The following ITFG1 variants were observed in gnomAD, a reference collection of about 807,000 sequenced individuals.
The protein encoded by ITFG1 is T-cell immunomodulatory protein.
In ITFG1, 34 loss-of-function variants were observed where a neutral mutation model predicts 81.8. That is an observed-to-expected ratio of 0.42 (90% CI 0.32 to 0.55). ITFG1 has a LOEUF of 0.55. Ranked by LOEUF, ITFG1 falls within the 20% of genes least tolerant of loss-of-function variation. ITFG1 has a pLI of 0.17. For missense variants in ITFG1, 672 were observed against 755.4 expected (o/e 0.89, Z 1.29); for synonymous variants, 285 against 270.6 (o/e 1.05, Z -0.52).
intron 6 of ITFG1, among the ~76,000 whole-genome samples, chr16:47,390,579 C>T (rs1481605551): frequency 3.3e-5 from 5 of 152,142 alleles, no homozygotes; most frequent in Non-Finnish European, 7.3e-5. Context: ...TTGCCTCAGC[C>T]TCCCAAGTAG....
At chr16:47,431,316 C>T (rs796525891) in intron 5 of ITFG1, among the ~76,000 whole-genome samples, 2 of 152,296 alleles carry the variant, frequency 1.3e-5, no homozygotes, top group African/African-American at 4.8e-5. Flanking sequence ...TGAGCTCCGT[C>T]GCCTGTCAGA....
intron 10 of ITFG1, among the ~76,000 whole-genome samples, chr16:47,284,917 T>A (rs1473319788): frequency 6.6e-6 from 1 of 152,220 alleles, no homozygotes; most frequent in African/African-American, 2.4e-5. Context: ...TCTGAAGGAA[T>A]GAAAACATTT....
intron 7 of ITFG1, among the ~76,000 whole-genome samples, chr16:47,370,302 T>C (rs1167157702): frequency 6.6e-6 from 1 of 152,184 alleles, no homozygotes; most frequent in Non-Finnish European, 1.5e-5. Flanking sequence ...ACTTCCTTGA[T>C]GCCTCTTAGA....
At chr16:47,198,840 A>G (rs2151519905) in intron 14 of ITFG1, among the ~76,000 whole-genome samples, 1 of 152,350 alleles carries the variant, frequency 6.6e-6, no homozygotes, top group South Asian at 2.1e-4. Context: ...AAATTTTTGT[A>G]CACCTGAACA....
chr16:47,253,619 G>C (rs1020126946), intron 12 of ITFG1, among the ~76,000 whole-genome samples: 2 of 152,160 alleles, frequency 1.3e-5, no homozygotes, highest in African/African-American at 4.8e-5. Context: ...ATGGTTTCAG[G>C]ATTGTTCCAC....
At chr16:47,377,702 T>TA (rs1968344893) in intron 6 of ITFG1, among the ~76,000 whole-genome samples, 1 of 152,192 alleles carries the variant, frequency 6.6e-6, no homozygotes. Context: ...CCTCCGCTGT[T>TA]ATTCTCCTTT....
At chr16:47,193,310 C>T (rs1250019735) in intron 14 of ITFG1, among the ~76,000 whole-genome samples, 2 of 151,060 alleles carry the variant, frequency 1.3e-5, no homozygotes, top group African/African-American at 4.9e-5. Flanking sequence ...CTATCCTTTA[C>T]ATTTAAGTAT....
At chr16:47,284,297 A>G (rs1437248726) in intron 10 of ITFG1, among the ~76,000 whole-genome samples, 1 of 152,248 alleles carries the variant, frequency 6.6e-6, no homozygotes, top group Non-Finnish European at 1.5e-5. Flanking sequence ...AATGAAGCAG[A>G]ATAAAAGTAC....
At chr16:47,402,238 TA>T (rs1193245240) in intron 6 of ITFG1, among the ~76,000 whole-genome samples, 1 of 152,208 alleles carries the variant, frequency 6.6e-6, no homozygotes, top group African/African-American at 2.4e-5. Context: ...TATCAACATC[TA>T]AAAATTCACT....
chr16:47,384,074 T>C (rs904129149), intron 6 of ITFG1, among the ~76,000 whole-genome samples: 1 of 152,244 alleles, frequency 6.6e-6, no homozygotes, highest in Admixed American at 6.5e-5. Context: ...AAAAAACTCT[T>C]AATTTTATTC....
chr16:47,272,717 C>T (rs1171646626), intron 10 of ITFG1, among the ~76,000 whole-genome samples: 1 of 151,624 alleles, frequency 6.6e-6, no homozygotes, highest in East Asian at 1.9e-4. Context: ...TTAAAAGCCA[C>T]TAAATTGTAT....
chr16:47,282,039 T>C (rs960813865), intron 10 of ITFG1, among the ~76,000 whole-genome samples: 1 of 151,934 alleles, frequency 6.6e-6, no homozygotes, highest in Admixed American at 6.6e-5. Context: ...TTTGTATACA[T>C]AGTTAATAGT....
intron 14 of ITFG1, among the ~76,000 whole-genome samples, chr16:47,175,742 T>C (rs1177019138): frequency 6.6e-6 from 1 of 152,198 alleles, no homozygotes; most frequent in Admixed American, 6.5e-5. Flanking sequence ...CCATGGCATG[T>C]TTTGACTTTT....
chr16:47,244,784 C>T (rs1965979976), intron 12 of ITFG1, among the ~76,000 whole-genome samples: 1 of 151,904 alleles, frequency 6.6e-6, no homozygotes, highest in Admixed American at 6.6e-5. Flanking sequence ...AATGAGGTCA[C>T]AGGGAGAGGA....
intron 10 of ITFG1, among the ~76,000 whole-genome samples, chr16:47,273,798 A>G (rs1300813242): frequency 6.6e-6 from 1 of 151,868 alleles, no homozygotes; most frequent in African/African-American, 2.4e-5. Context: ...TTGTTTATTT[A>G]TTTATTTATT....
chr16:47,355,684 C>A (rs1431003155), intron 8 of ITFG1, among the ~76,000 whole-genome samples: 3 of 151,982 alleles, frequency 2.0e-5, no homozygotes, highest in Non-Finnish European at 4.4e-5. Flanking sequence ...TTTACAAAAA[C>A]CTACAAAAAA....
At chr16:47,415,637 T>C (rs1010100263) in intron 6 of ITFG1, among the ~76,000 whole-genome samples, 1 of 152,318 alleles carries the variant, frequency 6.6e-6, no homozygotes, top group South Asian at 2.1e-4. Flanking sequence ...TAATGTAAGA[T>C]ATGCATATCA....
In ITFG1 at chr16:47,299,917, C is replaced by T. The variant is rs371182550; in HGVS notation, c.1070+11323G>A. 275 of 152,368 alleles carry T rather than the reference C, an allele frequency of 1.8e-3. 5 individuals are homozygous for T. The South Asian group carries it at 0.054, about 30-fold the overall frequency. 9.4% of individuals were successfully genotyped at this position (152,368 alleles called of 1,614,324 possible). On this transcript the variant is annotated intron_variant, in intron 10 of 17. Transcript: ENST00000320640. ...CACACTTGCTTATCAGTTCTGGCCT[C>T]GTTCCTGGGACTGTGCATAGTCTGC...
At chr16:47,310,277 G>GTT (rs1967236858) in intron 10 of ITFG1, among the ~76,000 whole-genome samples, 1 of 152,182 alleles carries the variant, frequency 6.6e-6, no homozygotes, top group Non-Finnish European at 1.5e-5. Flanking sequence ...GTTAAAAGCA[G>GTT]TAATACGTCT....
Sources: gnomAD v4.1 joint callset for allele counts (sites outside exome capture counted in the v4.1 genomes callset) on GRCh38, gnomAD v4.1.1 for gene constraint, MANE v1.5 for transcripts, NCBI Gene and HGNC (gene_info 2026-07-23, HGNC 2026-07-21) for gene names.